Variants in GALNT13 observed in about 807,000 individuals in gnomAD.
GALNT13 encodes the protein polypeptide N-acetylgalactosaminyltransferase 13.
A neutral mutation model predicts 64.2 loss-of-function variants in GALNT13; 28 were observed. The observed-to-expected ratio is 0.44, with a 90% CI of 0.32 to 0.60. The LOEUF is 0.60. Among genes scored for constraint, GALNT13 ranks in the 20% least tolerant of loss-of-function variants. GALNT13 has a pLI of 0.05. For missense variants in GALNT13, 577 were observed against 669.8 expected, an observed-to-expected ratio of 0.86 and a Z score of 1.53; for synonymous variants, 214 against 224.6, an observed-to-expected ratio of 0.95 and a Z score of 0.42.
the GALNT13 span, among the ~76,000 whole-genome samples, chr2:153,807,491 T>C: frequency 2.0e-5 from 3 of 151,822 alleles, no homozygotes; most frequent in African/African-American, 7.2e-5. Flanking sequence ...ATATTGTATA[T>C]GTATAAAATA....
the GALNT13 span, among the ~76,000 whole-genome samples, chr2:153,616,637 C>G: frequency 4.0e-5 from 6 of 151,656 alleles, no homozygotes; most frequent in Non-Finnish European, 8.9e-5. Flanking sequence ...TTGTAGAGAT[C>G]TTTTTCTTCT....
At chr2:153,880,436 A>C (rs976731503) in intron 1 of GALNT13, among the ~76,000 whole-genome samples, 1 of 152,074 alleles carries the variant, frequency 6.6e-6, no homozygotes, top group African/African-American at 2.4e-5. Context: ...TGAATTCTAA[A>C]CCCCCAATAA....
chr2:153,395,689 G>A, the GALNT13 span, among the ~76,000 whole-genome samples: 1 of 152,188 alleles, frequency 6.6e-6, no homozygotes, highest in Non-Finnish European at 1.5e-5. Flanking sequence ...GGAAATGTTT[G>A]TCTTAGTTGA....
the GALNT13 span, among the ~76,000 whole-genome samples, chr2:153,602,453 G>A: frequency 6.6e-6 from 1 of 151,550 alleles, no homozygotes; most frequent in Non-Finnish European, 1.5e-5. Context: ...TTTTAACTAG[G>A]AGACCATATA....
intron 4 of GALNT13, among the ~76,000 whole-genome samples, chr2:154,207,939 C>T (rs1462925331): frequency 6.6e-6 from 1 of 152,166 alleles, no homozygotes; most frequent in Non-Finnish European, 1.5e-5. Context: ...TAGGACTTTT[C>T]AATGTACCCT....
intron 3 of GALNT13, among the ~76,000 whole-genome samples, chr2:153,988,071 TATACAC>T (rs1269801107): frequency 6.3e-5 from 9 of 143,746 alleles, no homozygotes; most frequent in African/African-American, 1.0e-4. Flanking sequence ...TATATATATA[TATACAC>T]ACACACACAC....
chr2:153,292,015 G>C, the GALNT13 span, among the ~76,000 whole-genome samples: 4,759 of 152,252 alleles, frequency 0.031, 230 homozygotes, highest in African/African-American at 0.11. Flanking sequence ...TATCCACAGG[G>C]CCACTTCATA....
the GALNT13 span, among the ~76,000 whole-genome samples, chr2:153,427,313 G>GC: frequency 6.6e-6 from 1 of 152,042 alleles, no homozygotes; most frequent in African/African-American, 2.4e-5. Flanking sequence ...GAATATTAAT[G>GC]CCAGAAGATA....
At chr2:153,898,856 CAAAA>C (rs35168611) in intron 1 of GALNT13, among the ~76,000 whole-genome samples, 6 of 99,364 alleles carry the variant, frequency 6.0e-5, no homozygotes, top group African/African-American at 1.1e-4. Flanking sequence ...AGTTGCACAG[CAAAA>C]AAAAAAAAAA....
chr2:153,242,978 C>T, the GALNT13 span, among the ~76,000 whole-genome samples: 1 of 152,094 alleles, frequency 6.6e-6, no homozygotes, highest in Non-Finnish European at 1.5e-5. Flanking sequence ...AATTACTTTG[C>T]GTTATGGGAG....
chr2:153,794,084 A>T, the GALNT13 span, among the ~76,000 whole-genome samples: 1 of 152,214 alleles, frequency 6.6e-6, no homozygotes, highest in South Asian at 2.1e-4. Flanking sequence ...GAGTTTAGTT[A>T]CATTTTAGTC....
chr2:153,095,157 T>C, the GALNT13 span, among the ~76,000 whole-genome samples: 1 of 152,158 alleles, frequency 6.6e-6, no homozygotes, highest in Non-Finnish European at 1.5e-5. Flanking sequence ...AGGGCTAATA[T>C]CCAGAATTTA....
intron 3 of GALNT13, among the ~76,000 whole-genome samples, chr2:154,031,727 A>G (rs1487565833): frequency 6.6e-6 from 1 of 151,992 alleles, no homozygotes; most frequent in Non-Finnish European, 1.5e-5. Context: ...ATTTAAATAT[A>G]TATGTACTTA....
At chr2:153,695,817 A>G in the GALNT13 span, among the ~76,000 whole-genome samples, 1 of 152,152 alleles carries the variant, frequency 6.6e-6, no homozygotes, top group African/African-American at 2.4e-5. Context: ...TACAAGAGTT[A>G]ACTGTATGAT....
chr2:153,788,231 TA>T, the GALNT13 span, among the ~76,000 whole-genome samples: 1 of 152,142 alleles, frequency 6.6e-6, no homozygotes, highest in African/African-American at 2.4e-5. Context: ...CTCATCGAAC[TA>T]AAAGCATACC....
chr2:154,235,360 A>G (rs917209448), intron 4 of GALNT13, among the ~76,000 whole-genome samples: 1 of 152,152 alleles, frequency 6.6e-6, no homozygotes, highest in Non-Finnish European at 1.5e-5. Context: ...AAACCAACAC[A>G]CAGAAACCCA....
At chr2:153,513,818 A>G in the GALNT13 span, among the ~76,000 whole-genome samples, 3 of 152,154 alleles carry the variant, frequency 2.0e-5, no homozygotes, top group African/African-American at 7.2e-5. Context: ...TGTCTGGAAT[A>G]TAATAAATAT....
chr2:153,403,124 G>A, the GALNT13 span, among the ~76,000 whole-genome samples: 2 of 151,658 alleles, frequency 1.3e-5, no homozygotes, highest in Non-Finnish European at 1.5e-5. Flanking sequence ...TGTCCTTTAT[G>A]TTTGTTAGTT....
the GALNT13 span, chr2:153,478,661 A>C: frequency 9.7e-7 from 1 of 1,027,578 alleles, no homozygotes; most frequent in Non-Finnish European, 1.4e-6. Flanking sequence ...GCTCACTCGC[A>C]GACTAGCGCG....
Sources: allele counts gnomAD v4.1 joint callset (sites outside exome capture counted in the v4.1 genomes callset), GRCh38; gene constraint gnomAD v4.1.1; transcripts MANE v1.5; gene names NCBI Gene and HGNC (gene_info 2026-07-23, HGNC 2026-07-21).